JSRP1: variants seen among roughly 807,000 people sequenced by gnomAD.
JSRP1 encodes junctional sarcoplasmic reticulum protein 1.
A neutral mutation model predicts 21.4 loss-of-function variants in JSRP1; 29 were observed. That is an observed-to-expected ratio of 1.36 (90% CI 1.01 to 1.85). The LOEUF (loss-of-function observed/expected upper bound fraction) is 1.85. JSRP1 is among the 40% of genes most tolerant of loss of function. JSRP1 has a pLI of 0.00. For synonymous variants in JSRP1, 221 were observed against 206.1 expected, an observed-to-expected ratio of 1.07 and a Z score of -0.62; for missense variants, 531 against 461.5, an observed-to-expected ratio of 1.15 and a Z score of -1.38.
intron 1 of JSRP1, among the ~76,000 whole-genome samples, chr19:2,256,026 G>A (rs1359245222): frequency 6.6e-6 from 1 of 152,196 alleles, no homozygotes. Context: ...TGAGGAAACC[G>A]AGGCTAGAGA....
At chr19:2,254,369 ACCTG>A in intron 3 of JSRP1, 68 bp from the exon 4 acceptor site, 3 of 1,604,860 alleles carry the variant, frequency 1.9e-6, no homozygotes, top group Non-Finnish European at 2.6e-6. Context: ...GGCTTTAGAC[ACCTG>A]CCTCCCTTGG....
At chr19:2,253,851 C>G (rs2025107513) in intron 4 of JSRP1, 58 bp from the exon 5 acceptor site, 1 of 1,334,820 alleles carries the variant, frequency 7.5e-7, no homozygotes. Context: ...CCCCCTTCCC[C>G]GGGCGCAGGG....
rs1022483324 is a variant in JSRP1 at position 2,253,871 on chromosome 19, C to G, written c.263-78G>C. 7.6e-6 allele frequency: 10 copies of G among 1,320,434 alleles called. No homozygotes were observed. The African/African-American group carries it at 1.3e-4, about 17-fold the overall frequency. The allele number at this position is 1,320,434 out of a possible 1,614,324, so 81.8% of individuals were successfully genotyped here. A position where few individuals can be genotyped will look rare whatever the true frequency, so the allele number is the denominator to read the frequency against. ...TTCCCCGGGCGCAGGGGACAAGAGA[C>G]AGGCCTGTGCCCTGAACCCGGCTCT... On this transcript the variant is annotated intron_variant, in intron 4 of 6. Coordinates refer to ENST00000300961, the MANE Select transcript of JSRP1 (RefSeq NM_144616.4).
Position 2,252,521 on chromosome 19 carries a change from C to G in JSRP1, c.804G>C (p.Arg268=). 6.2e-7 allele frequency: 1 copy of G among 1,612,710 alleles called. No homozygotes were observed. Among genetic ancestry groups the G allele is most frequent in the Non-Finnish European group, 8.5e-7 (1 of 1,179,896 alleles). Residue 268 remains arginine, a synonymous_variant, in exon 7 of 7, where the codon CGG becomes CGC. Transcript: ENST00000300961. ...GGGCTTCCCGGGGCTCCCTGGCGGC[C>G]CGTGGCCTCTCCTCTTTCCGCGGCC... The part of the protein sequence containing the change: ...KERPRKEERP[R]AAREPREALP...
At chr19:2,254,393 C>G in intron 3 of JSRP1, 52 bp downstream of exon 3, 9 of 1,610,438 alleles carry the variant, frequency 5.6e-6, no homozygotes, top group Non-Finnish European at 6.8e-6. Flanking sequence ...GTCGGCTTGT[C>G]CCCAACTCCC....
Position 2,252,745 on chromosome 19 carries a change from C to A in JSRP1, c.580G>T (p.Glu194Ter), listed in dbSNP as rs373747846. ...PPSAPPAPRAEAEVRPKIPGS... is the reference protein window; with the variant it reads ...PPSAPPAPRA Reference sequence around the variant, plus strand: ...GGAATCTTGGGTCTGACCTCTGCCTCGGCCCGGGGCGCAGGCGGCGCTGAT... The same window carrying A: ...GGAATCTTGGGTCTGACCTCTGCCTAGGCCCGGGGCGCAGGCGGCGCTGAT... The change falls in exon 7 of 7, where the codon GAG becomes TAG. Residue 194 changes from glutamate to a stop codon, truncating the protein, a stop_gained. Transcript: ENST00000300961. LOFTEE classifies it low-confidence loss of function (END_TRUNC). 1 of 1,612,544 alleles carries A rather than the reference C, an allele frequency of 6.2e-7. No individual in the cohort carries two copies.
At position 2,254,203 on chromosome 19, in the gene JSRP1, C is replaced by T. The variant is rs2025113119; in HGVS notation, c.246G>A (p.Arg82=). Reference sequence around the variant, plus strand: ...CAAACCCACTCGCTCCGGCTTTCAGCCTCTCCTTCCCCGTTCCTGGGGTCC... The same window carrying T: ...CAAACCCACTCGCTCCGGCTTTCAGTCTCTCCTTCCCCGTTCCTGGGGTCC... ...ARGTPGTGKE[R]LKAGASPRSV... The change falls in exon 4 of 7, where the codon AGG becomes AGA. Residue 82 remains arginine (R), a synonymous_variant. Transcript: ENST00000300961. The T allele has an allele frequency of 1.2e-6, 2 of 1,603,902 alleles. No homozygotes were observed. Among genetic ancestry groups the T allele is most frequent in the Non-Finnish European group, 1.7e-6 (2 of 1,175,372 alleles).
rs559302658 is a variant in JSRP1, at chr19:2,253,723, C to A, written c.333G>T (p.Pro111=). Residue 111 remains proline, a synonymous_variant, in exon 5 of 7, where the codon CCG becomes CCT. Transcript: ENST00000300961. ...APPLQPPPPP[P]ALSEELPWGD... is the part of the protein sequence containing the mutation. ...CCCAGGGCAGCTCCTCGCTCAGGGC[C>A]GGGGGCGGCGGCGGCGGCTGCAGGG... is the stretch of plus-strand genomic sequence containing the variant. 5 of 1,491,320 alleles carry A rather than the reference C, an allele frequency of 3.4e-6. No individual in the cohort carries two copies. The highest frequency in any genetic ancestry group is 4.4e-6 in the Non-Finnish European group (5 of 1,128,686). The allele number at this position is 1,491,320 out of a possible 1,614,324, so 92.4% of individuals were successfully genotyped here. A position where few individuals can be genotyped will look rare whatever the true frequency, so the allele number is the denominator to read the frequency against.
At chr19:2,255,623 G>A (rs2025136005) in intron 1 of JSRP1, among the ~76,000 whole-genome samples, 1 of 152,222 alleles carries the variant, frequency 6.6e-6, no homozygotes. Flanking sequence ...GAGAGGGCGG[G>A]AGCCCCTGCA....
chr19:2,254,356 G>T (rs1366656710), intron 3 of JSRP1, 55 bp from the exon 4 acceptor site: 1 of 1,598,756 alleles, frequency 6.3e-7, no homozygotes, highest in Non-Finnish European at 8.6e-7. Flanking sequence ...AACCCTTCCC[G>T]TGGGCTTTAG....
rs1358798549 is a variant in JSRP1 at position 2,252,396 on chromosome 19, C to T, written c.929G>A (p.Arg310Lys). 1 of 1,600,328 alleles carries T rather than the reference C, an allele frequency of 6.2e-7. No homozygotes were observed. Among genetic ancestry groups the T allele is most frequent in the Non-Finnish European group, 8.5e-7 (1 of 1,175,720 alleles). ...PRKKQAWVSP[R>K]RPDEEQRPGS... ...AGGCCGCTGCTCCTCGTCGGGACGC[C>T]TCGGGGACACCCAGGCCTGCTTCTT... Residue 310 changes from arginine to lysine, a missense_variant, in exon 7 of 7, where the codon AGG (arginine) becomes AAG (lysine). Transcript: ENST00000300961.
intron 1 of JSRP1, among the ~76,000 whole-genome samples, 153 bp from the exon 2 acceptor site, chr19:2,255,497 C>T (rs149353502): frequency 2.0e-5 from 3 of 152,212 alleles, no homozygotes; most frequent in African/African-American, 7.2e-5. Context: ...CATGGCCCGG[C>T]GCCCACTCCA....
rs2025127002 is a variant in JSRP1 at position 2,255,006 on chromosome 19, G to C, written c.109+200C>G. Among the ~76,000 whole-genome samples the C allele has an allele frequency of 1.3e-5, 2 of 152,184 alleles. 1 individual carries two copies. The highest frequency in any genetic ancestry group is 4.1e-4 in the South Asian group (2 of 4,822). On this transcript the variant is annotated intron_variant, in intron 2 of 6. Transcript: ENST00000300961. Reference sequence around the variant, plus strand: ...CAACGTGGGATTCGAACCTAGATCTGTGTGGCCCAGCACCTGTCTTCCTTG... The same window carrying C: ...CAACGTGGGATTCGAACCTAGATCTCTGTGGCCCAGCACCTGTCTTCCTTG...
At position 2,255,322 on chromosome 19, in the gene JSRP1, G is replaced by A; in HGVS notation, c.-8C>T. On this transcript the variant is annotated 5_prime_UTR_variant, in exon 2 of 7. Transcript: ENST00000300961. The stretch of plus-strand genomic sequence containing the variant: ...TCTGGTTGTCATGGACATGGCTGGA[G>A]CAGCAGCAGGTCCCAGGCCAGGCTG... 1.9e-6 allele frequency: 3 copies of A among 1,593,830 alleles called. No homozygotes were observed. The highest frequency in any genetic ancestry group is 2.6e-6 in the Non-Finnish European group (3 of 1,166,304).
chr19:2,253,945 G>T, intron 4 of JSRP1, 152 bp from the exon 5 acceptor site: 1 of 932,900 alleles, frequency 1.1e-6, no homozygotes, highest in Non-Finnish European at 1.5e-6. Flanking sequence ...AGCCCCGGGT[G>T]CCCCGCAGCT....
At position 2,255,223 on chromosome 19, in the gene JSRP1, T is replaced by C. The variant is rs761936000; in HGVS notation, c.92A>G (p.Gln31Arg). Residue 31 changes from glutamine to arginine, a missense_variant, in exon 2 of 7, where the codon CAG becomes CGG. Coordinates refer to ENST00000300961, the MANE Select transcript of JSRP1 (RefSeq NM_144616.4). ...AAGGGTACCTGAAGCCCTGTCCTCC[T>C]GGGTCTCGGCCAGCGCAGAGTGGTC... The part of the protein sequence containing the change: ...LEDHSALAET[Q>R]EDRASATPRL... 6.2e-7 allele frequency: 1 copy of C among 1,604,214 alleles called. No individual in the cohort carries two copies. The highest frequency in any genetic ancestry group is 8.5e-7 in the Non-Finnish European group (1 of 1,173,546).
chr19:2,254,244 C>T lies in JSRP1; in HGVS notation c.205G>A (p.Glu69Lys). Residue 69 changes from glutamate (E) to lysine (K), a missense_variant, in exon 4 of 7, where the codon GAG becomes AAG. By Grantham distance (56) the Glu-to-Lys change is moderately conservative. Transcript: ENST00000300961. ...VDTRPKKMEKEPAARGTPGTG... is the reference protein window; with the variant it reads ...VDTRPKKMEKKPAARGTPGTG... ...CCTGGGGTCCCCCTGGCGGCAGGCT[C>T]TTTTTCCATCTTCTTGGGCCTGGTG... 6.2e-7 allele frequency: 1 copy of T among 1,605,812 alleles called. No individual in the cohort carries two copies. The highest frequency in any genetic ancestry group is 2.2e-5 in the East Asian group (1 of 44,838).
chr19:2,254,615 A>C, intron 2 of JSRP1, 133 bp from the exon 3 acceptor site: 1 of 941,688 alleles, frequency 1.1e-6, no homozygotes, highest in East Asian at 2.7e-5. Flanking sequence ...AGGCCAGCAC[A>C]GTGGTTCACA....
chr19:2,254,406 G>A (rs368012168), intron 3 of JSRP1, 39 bp downstream of exon 3: 3 of 1,611,930 alleles, frequency 1.9e-6, no homozygotes, highest in African/African-American at 2.7e-5. Flanking sequence ...CAACTCCCCA[G>A]GCGTCCTGGG....
Sources: gnomAD v4.1 joint callset for allele counts (sites outside exome capture counted in the v4.1 genomes callset) on GRCh38, gnomAD v4.1.1 for gene constraint, MANE v1.5 for transcripts, NCBI Gene and HGNC (gene_info 2026-07-23, HGNC 2026-07-21) for gene names.